The following RAP1A variants were observed in gnomAD, a reference collection of about 807,000 sequenced individuals.
RAP1A encodes ras-related protein Rap-1A.
RAP1A carries 6 observed loss-of-function variants against 26.4 expected under a neutral mutation model. The observed-to-expected ratio is 0.23, with a 90% CI of 0.12 to 0.45. The LOEUF (loss-of-function observed/expected upper bound fraction) is 0.45, where lower values mean the gene tolerates loss of function less well. Among genes scored for constraint, RAP1A ranks in the 20% least tolerant of loss-of-function variants. The pLI is 0.99. For synonymous variants in RAP1A, 73 were observed against 79.4 expected, an observed-to-expected ratio of 0.92 and a Z score of 0.43; for missense variants, 121 against 217.2, an observed-to-expected ratio of 0.56 and a Z score of 2.78.
At chr1:111,627,900 T>C (rs1659448261) in intron 1 of RAP1A, among the ~76,000 whole-genome samples, 1 of 151,596 alleles carries the variant, frequency 6.6e-6, no homozygotes, top group Admixed American at 6.6e-5. Flanking sequence ...TTCAGATAGA[T>C]GAGGGGGGTA....
Position 111,655,658 on chromosome 1 carries a change from C to CTTTTTTTTT in RAP1A, c.-27-35657_-27-35649dup, listed in dbSNP as rs34266778. ...GAAGAACCTTAAAAATGTTCATAGT[C>CTTTTTTTTT]TTTTTTTTTTTTTTTTTTTTTTTTT... On this transcript the variant is annotated intron_variant, in intron 1 of 7. Transcript: ENST00000369709. Among the ~76,000 whole-genome samples the CTTTTTTTTT allele has an allele frequency of 1.7e-3, 143 of 85,160 alleles. 9 individuals are homozygous for CTTTTTTTTT. Among genetic ancestry groups the CTTTTTTTTT allele is most frequent in the African/African-American group, 7.2e-3 (136 of 18,908 alleles). The allele number at this position is 85,160 out of a possible 152,430, so 55.9% of individuals were successfully genotyped here. A position where few individuals can be genotyped will look rare whatever the true frequency, so the allele number is the denominator to read the frequency against.
chr1:111,690,448 C>G (rs1286464635), intron 1 of RAP1A, among the ~76,000 whole-genome samples: 2 of 152,264 alleles, frequency 1.3e-5, no homozygotes, highest in Non-Finnish European at 2.9e-5. Context: ...TGGCCCACTT[C>G]CAAGCTCTGC....
intron 1 of RAP1A, among the ~76,000 whole-genome samples, chr1:111,604,947 T>C (rs2786991): frequency 0.39 from 59,765 of 151,906 alleles, 11,996 homozygotes; most frequent in East Asian, 0.5. Flanking sequence ...GAGAGGAAGA[T>C]CTACCACCAG....
At chr1:111,657,499 G>C (rs183109459) in intron 1 of RAP1A, among the ~76,000 whole-genome samples, 1 of 152,240 alleles carries the variant, frequency 6.6e-6, no homozygotes, top group East Asian at 1.9e-4. Context: ...TTTGTTGCCT[G>C]TGCTTTTGGT....
chr1:111,671,467 TTTTC>T (rs138872078), intron 1 of RAP1A, among the ~76,000 whole-genome samples: 9,515 of 152,138 alleles, frequency 0.063, 317 homozygotes, highest in Non-Finnish European at 0.069. Flanking sequence ...TACTATTTTC[TTTTC>T]TTTCTTTCTT....
chr1:111,638,758 C>T (rs534906962), intron 1 of RAP1A, among the ~76,000 whole-genome samples: 4 of 152,226 alleles, frequency 2.6e-5, no homozygotes, highest in East Asian at 1.9e-4. Context: ...TATTTGCCTA[C>T]TCTGGTATTG....
At chr1:111,711,890 C>T (rs3767593) in intron 7 of RAP1A, among the ~76,000 whole-genome samples, 43,696 of 151,782 alleles carry the variant, frequency 0.29, 7,056 homozygotes, top group East Asian at 0.46. Flanking sequence ...TGTCTGTTGA[C>T]AATAAGACTA....
At chr1:111,688,916 C>T (rs1661584608) in intron 1 of RAP1A, among the ~76,000 whole-genome samples, 1 of 150,230 alleles carries the variant, frequency 6.7e-6, no homozygotes, top group South Asian at 2.1e-4. Context: ...ATCACTGCAA[C>T]CTCTGCCTTC....
chr1:111,647,577 CTA>C lies in RAP1A; in HGVS notation c.-28+27645_-28+27646del, dbSNP rs538720658. On this transcript the variant is annotated intron_variant, in intron 1 of 7. Coordinates refer to ENST00000369709, the MANE Select transcript of RAP1A (RefSeq NM_002884.4). Reference sequence around the variant, plus strand: ...CAGATATTTGTGGTTATATCAGGGACTATTATAACATTTTTTCTGTATTAATC... The same window carrying C: ...CAGATATTTGTGGTTATATCAGGGACTTATAACATTTTTTCTGTATTAATC... Among the ~76,000 whole-genome samples, 213 of 152,232 alleles carry C rather than the reference CTA, an allele frequency of 1.4e-3. 1 individual carries two copies. Among genetic ancestry groups the C allele is most frequent in the Non-Finnish European group, 2.5e-3 (168 of 68,026 alleles).
chr1:111,620,117 G>A (rs931997076), intron 1 of RAP1A, among the ~76,000 whole-genome samples, 183 bp downstream of exon 1: 1 of 151,964 alleles, frequency 6.6e-6, no homozygotes, highest in Non-Finnish European at 1.5e-5. Flanking sequence ...CCGGAGATCT[G>A]GGAGGCCCGG....
intron 1 of RAP1A, among the ~76,000 whole-genome samples, chr1:111,543,146 C>T (rs998177629): frequency 6.6e-6 from 1 of 152,098 alleles, no homozygotes; most frequent in Non-Finnish European, 1.5e-5. Context: ...ACACACACAG[C>T]GCAGGTGACA....
chr1:111,641,751 G>A (rs1013464167), intron 1 of RAP1A, among the ~76,000 whole-genome samples: 2 of 152,080 alleles, frequency 1.3e-5, no homozygotes, highest in African/African-American at 4.8e-5. Flanking sequence ...CATAGTGTTT[G>A]TATACTTTAA....
chr1:111,706,468 A>ATG (rs1264826017), intron 6 of RAP1A, among the ~76,000 whole-genome samples: 1 of 151,932 alleles, frequency 6.6e-6, no homozygotes, highest in Non-Finnish European at 1.5e-5. Context: ...ATATATATAT[A>ATG]TATAATTTTT....
chr1:111,595,990 G>C (rs1176454895), intron 1 of RAP1A, among the ~76,000 whole-genome samples: 1 of 152,166 alleles, frequency 6.6e-6, no homozygotes, highest in Non-Finnish European at 1.5e-5. Context: ...AGTAAAATAA[G>C]TTGCCAAGAG....
intron 1 of RAP1A, among the ~76,000 whole-genome samples, chr1:111,634,834 G>A (rs113613022): frequency 2.6e-5 from 4 of 151,916 alleles, no homozygotes; most frequent in African/African-American, 2.4e-5. Context: ...TAGTAGAGAC[G>A]GGGTTTCACC....
chr1:111,546,236 C>T (rs1489373232), intron 1 of RAP1A, among the ~76,000 whole-genome samples: 2 of 152,070 alleles, frequency 1.3e-5, no homozygotes, highest in African/African-American at 2.4e-5. Context: ...ATTTTTTCCT[C>T]TCTTCTTGTT....
At chr1:111,657,187 A>C (rs1660488481) in intron 1 of RAP1A, among the ~76,000 whole-genome samples, 1 of 152,240 alleles carries the variant, frequency 6.6e-6, no homozygotes, top group African/African-American at 2.4e-5. Context: ...TCCAAAATCC[A>C]TAACTTTTGA....
rs1661292287 is a variant in RAP1A, at chr1:111,681,472, C to CTAACTAGTT, written c.-27-9855_-27-9854insTTTAACTAG. On this transcript the variant is annotated intron_variant, in intron 1 of 7. Coordinates refer to ENST00000369709, the MANE Select transcript of RAP1A (RefSeq NM_002884.4). Reference sequence around the variant, plus strand: ...CCTTGATAAAAGGTTGCAGGAACTGCTAACTAGAATAACCAGTTTAGAGAA... The same window carrying CTAACTAGTT: ...CCTTGATAAAAGGTTGCAGGAACTGCTAACTAGTTTAACTAGAATAACCAGTTTAGAGAA... Among the ~76,000 whole-genome samples the CTAACTAGTT allele has an allele frequency of 2.0e-5, 3 of 152,240 alleles. No individual in the cohort carries two copies. In the South Asian group the frequency reaches 6.2e-4, roughly 32 times the overall value.
chr1:111,563,826 T>C (rs754283955), intron 1 of RAP1A: 4 of 1,600,608 alleles, frequency 2.5e-6, no homozygotes, highest in Admixed American at 3.3e-5. Context: ...CCAGCAGCTA[T>C]ATTTTCTGCT....
Sources: gnomAD v4.1 joint callset for allele counts (sites outside exome capture counted in the v4.1 genomes callset) on GRCh38, gnomAD v4.1.1 for gene constraint, MANE v1.5 for transcripts, NCBI Gene and HGNC (gene_info 2026-07-23, HGNC 2026-07-21) for gene names.